Variants in PPP1R13L observed in about 807,000 individuals in gnomAD.
PPP1R13L encodes protein phosphatase 1 regulatory subunit 13 like, also known as relA-associated inhibitor.
In PPP1R13L, 50 loss-of-function variants were observed where a neutral mutation model predicts 80.9. The ratio of observed to expected loss-of-function variants is 0.62; its 90% CI spans 0.49 to 0.78. PPP1R13L has a LOEUF of 0.78. Ranked by LOEUF, PPP1R13L falls within the 30% of genes least tolerant of loss-of-function variation. The pLI, the probability that PPP1R13L is intolerant of heterozygous loss-of-function variation, is 0.00. For synonymous variants in PPP1R13L, 602 were observed against 534.3 expected, an observed-to-expected ratio of 1.13 and a Z score of -1.75; for missense variants, 1,200 against 1,205.9, an observed-to-expected ratio of 1.00 and a Z score of 0.07.
intron 11 of PPP1R13L, 67 bp downstream of exon 11, chr19:45,385,492 GGGT>G (rs1972846346): frequency 5.5e-6 from 8 of 1,454,948 alleles, no homozygotes; most frequent in Non-Finnish European, 7.4e-6. Flanking sequence ...CCCTAGTAGG[GGGT>G]AGTTGCTCCC....
At position 45,382,562 on chromosome 19, in the gene PPP1R13L, C is replaced by A. The variant is rs947173328; in HGVS notation, c.2413G>T (p.Gly805Cys). 46 of 1,613,182 alleles carry A rather than the reference C, an allele frequency of 2.9e-5. No individual in the cohort carries two copies. Among genetic ancestry groups the A allele is most frequent in the Non-Finnish European group, 3.0e-5 (35 of 1,179,804 alleles). The change falls in exon 12 of 13, where the codon GGC (glycine) becomes TGC (cysteine). Residue 805 changes from glycine to cysteine, a missense_variant. By Grantham distance (159) the Gly-to-Cys change is radical. This residue lies in a region of PPP1R13L where 165 missense variants were observed against 177.1 expected (regional missense o/e 0.93). Coordinates refer to ENST00000360957, the MANE Select transcript of PPP1R13L (RefSeq NM_006663.4). ...TTCCGCGGCACGTAGCCCTCCTGGC[C>A]GTGCAGCGCGGCCCACCACCAGTCG... The part of the protein sequence containing the change: ...ETDWWWAALH[G>C]QEGYVPRNYF...
intron 11 of PPP1R13L, among the ~76,000 whole-genome samples, chr19:45,383,253 C>T (rs917305872): frequency 6.7e-6 from 1 of 149,350 alleles, no homozygotes; most frequent in African/African-American, 2.5e-5. Context: ...ATTGGCCTCC[C>T]AAAGTGCTGG....
chr19:45,398,472 A>G, intron 1 of PPP1R13L, 133 bp from the exon 2 acceptor site: 1 of 806,818 alleles, frequency 1.2e-6, no homozygotes, highest in Non-Finnish European at 1.8e-6. Flanking sequence ...TTACCCTTTC[A>G]CCTCCCCAGC....
At chr19:45,398,585 CT>C (rs113649282) in intron 1 of PPP1R13L, among the ~76,000 whole-genome samples, 1,645 of 136,480 alleles carry the variant, frequency 0.012, 23 homozygotes, top group African/African-American at 0.041. Flanking sequence ...TTTTTCTTTT[CT>C]TTTTTTTTTT....
chr19:45,394,397 G>C (rs1973039240), intron 7 of PPP1R13L, among the ~76,000 whole-genome samples: 1 of 151,944 alleles, frequency 6.6e-6, no homozygotes, highest in African/African-American at 2.4e-5. Context: ...GTCTGCATTA[G>C]CCCACCAAAC....
Position 45,385,853 on chromosome 19 carries a change from G to T in PPP1R13L, c.2052C>A (p.Ala684=), listed in dbSNP as rs746595963. ...CGTGGCTGTCGGGGGAGTTGACATT[G>T]GCACCCGCGGTGATGAGGAAATCCA... ...SIVDFLITAG[A]NVNSPDSHGW... The change falls in exon 10 of 13, where the codon GCC becomes GCA. Residue 684 remains alanine (A), a synonymous_variant. Coordinates refer to ENST00000360957, the MANE Select transcript of PPP1R13L (RefSeq NM_006663.4). 6.2e-7 allele frequency: 1 copy of T among 1,610,914 alleles called. No individual in the cohort carries two copies. The highest frequency in any genetic ancestry group is 8.5e-7 in the Non-Finnish European group (1 of 1,178,780).
intron 8 of PPP1R13L, 81 bp downstream of exon 8, chr19:45,391,799 C>T: frequency 8.7e-7 from 1 of 1,143,588 alleles, no homozygotes; most frequent in Non-Finnish European, 1.2e-6. Context: ...CTCATCTAAG[C>T]CACTATATTT....
rs1475663500 is a variant in PPP1R13L at position 45,395,146 on chromosome 19, A to C, written c.1354+290T>G. 2.5e-5 allele frequency: 10 copies of C among 402,294 alleles called. 1 individual carries two copies. The highest frequency in any genetic ancestry group is 4.3e-5 in the Admixed American group (1 of 23,152). 24.9% of individuals were successfully genotyped at this position (402,294 alleles called of 1,614,324 possible). ...AGGCATGAGCCACCGTGCCCGGCCC[A>C]TTATTTCCCTTTTACACTCAAGAAA... On this transcript the variant is annotated intron_variant, in intron 7 of 12. Transcript: ENST00000360957.
intron 6 of PPP1R13L, 55 bp from the exon 7 acceptor site, chr19:45,395,941 A>C: frequency 6.9e-7 from 1 of 1,458,768 alleles, no homozygotes; most frequent in Non-Finnish European, 9.3e-7. Flanking sequence ...GGTGGAGGGG[A>C]GGTAAAGACA....
At chr19:45,391,065 G>A (rs1599768416) in intron 8 of PPP1R13L, among the ~76,000 whole-genome samples, 1 of 152,024 alleles carries the variant, frequency 6.6e-6, no homozygotes, top group South Asian at 2.1e-4. Flanking sequence ...AGGAGTGGTG[G>A]CATACACTTA....
At chr19:45,393,948 TG>T (rs1174950571) in intron 7 of PPP1R13L, among the ~76,000 whole-genome samples, 2 of 152,152 alleles carry the variant, frequency 1.3e-5, no homozygotes, top group African/African-American at 4.8e-5. Flanking sequence ...ATTATTTCAT[TG>T]AATCCCCGTC....
At chr19:45,382,759 C>T in intron 11 of PPP1R13L, 33 bp from the exon 12 acceptor site, 1 of 1,611,136 alleles carries the variant, frequency 6.2e-7, no homozygotes, top group Non-Finnish European at 8.5e-7. Context: ...AGGTGAGAGC[C>T]TGGCCCAGGG....
intron 8 of PPP1R13L, among the ~76,000 whole-genome samples, chr19:45,388,243 T>C (rs150180372): frequency 6.6e-6 from 1 of 152,078 alleles, no homozygotes; most frequent in African/African-American, 2.4e-5. Flanking sequence ...AGTGGTGTGA[T>C]TTTGTCCTCT....
intron 1 of PPP1R13L, 74 bp from the exon 2 acceptor site, chr19:45,398,413 G>C (rs1359853039): frequency 2.1e-6 from 3 of 1,432,802 alleles, no homozygotes. Flanking sequence ...GTCAGACGCC[G>C]TCAGGAGCGG....
intron 2 of PPP1R13L, 26 bp downstream of exon 2, chr19:45,398,238 C>T (rs1342731634): frequency 1.9e-6 from 3 of 1,613,666 alleles, no homozygotes; most frequent in Non-Finnish European, 2.5e-6. Context: ...CCCGCCTCGC[C>T]AGCCCCGCCC....
In PPP1R13L at chr19:45,396,013, G is replaced by A; in HGVS notation, c.904-127C>T. ...GGAGTGAGGGAGAAGAAAGGGTGAG[G>A]AAGGAGCAGAAACCCAGCACAGTGA... On this transcript the variant is annotated intron_variant, in intron 6 of 12. Transcript: ENST00000360957. The surrounding 1 kb of genome is among the most constrained non-coding windows in gnomAD (Gnocchi z 5.3). 1 of 1,267,952 alleles carries A rather than the reference G, an allele frequency of 7.9e-7. No individual in the cohort carries two copies. The highest frequency in any genetic ancestry group is 1.1e-6 in the Non-Finnish European group (1 of 921,642). The allele number at this position is 1,267,952 out of a possible 1,614,324, so 78.5% of individuals were successfully genotyped here.
intron 8 of PPP1R13L, among the ~76,000 whole-genome samples, chr19:45,391,674 C>T (rs1017612013): frequency 2.6e-5 from 4 of 152,168 alleles, no homozygotes; most frequent in African/African-American, 4.8e-5. Context: ...GCTTACTCCC[C>T]GATGGATGGC....
chr19:45,400,602 C>CTTT (rs57044476), intron 1 of PPP1R13L, among the ~76,000 whole-genome samples: 1 of 138,816 alleles, frequency 7.2e-6, no homozygotes, highest in Non-Finnish European at 1.6e-5. Flanking sequence ...GGCAAATCAC[C>CTTT]TTTTTTTTTT....
chr19:45,386,631 CTTTT>C lies in PPP1R13L; in HGVS notation c.1816-455_1816-452del, dbSNP rs34881055. 3.9e-3 allele frequency among the ~76,000 whole-genome samples: 521 copies of C among 133,602 alleles called. 4 individuals are homozygous for C. The highest frequency in any genetic ancestry group is 0.012 in the African/African-American group (445 of 35,974). The allele number at this position is 133,602 out of a possible 152,430, so 87.6% of individuals were successfully genotyped here. ...CCTTGTATTTTCCTTTTCTTTTTCT[CTTTT>C]TTTTTTTTTTTTTGAGATGGAGTCT... is the stretch of plus-strand genomic sequence containing the variant. On this transcript the variant is annotated intron_variant, in intron 8 of 12. Coordinates refer to ENST00000360957, the MANE Select transcript of PPP1R13L (RefSeq NM_006663.4).
Sources: gnomAD v4.1 joint callset for allele counts (sites outside exome capture counted in the v4.1 genomes callset) on GRCh38, gnomAD v4.1.1 for gene constraint, gnomAD v4.1.1 regional missense constraint, Gnocchi (gnomAD v3.1) non-coding constraint, MANE v1.5 for transcripts, NCBI Gene and HGNC (gene_info 2026-07-23, HGNC 2026-07-21) for gene names.